Variants in SLCO1C1 observed in about 807,000 individuals in gnomAD.
SLCO1C1 encodes the protein OAT-RP-5.
A neutral mutation model predicts 76.4 loss-of-function variants in SLCO1C1; 70 were observed. The observed-to-expected ratio is 0.92, with a 90% CI of 0.76 to 1.12. The LOEUF (loss-of-function observed/expected upper bound fraction) is 1.12. Ranked by LOEUF, SLCO1C1 falls within the 50% of genes most tolerant of loss-of-function variation. SLCO1C1 has a pLI of 0.00. For synonymous variants in SLCO1C1, 306 were observed against 286.1 expected (o/e 1.07, Z -0.70); for missense variants, 912 against 823.8 (o/e 1.11, Z -1.31).
intron 9 of SLCO1C1, among the ~76,000 whole-genome samples, chr12:20,729,614 C>G (rs1033046314): frequency 6.6e-6 from 1 of 151,790 alleles, no homozygotes; most frequent in Non-Finnish European, 1.5e-5. Context: ...AATATGTCCC[C>G]TGGAAGCCCC....
intron 5 of SLCO1C1, among the ~76,000 whole-genome samples, chr12:20,713,535 A>G (rs1445785833): frequency 1.3e-5 from 2 of 152,192 alleles, no homozygotes; most frequent in Non-Finnish European, 2.9e-5. Flanking sequence ...TCATAACTCA[A>G]TTATTTCCCT....
At chr12:20,697,635 C>G (rs1246789820) in intron 1 of SLCO1C1, 1 of 151,978 alleles carries the variant, frequency 6.6e-6, no homozygotes, top group African/African-American at 2.4e-5. Flanking sequence ...ATTTTATCAA[C>G]TGATGTTTTT....
chr12:20,699,700 C>T lies in SLCO1C1; in HGVS notation c.124C>T (p.Leu42=). Residue 42 remains leucine (L), a synonymous_variant, in exon 2 of 15, where the codon CTA becomes TTA. Transcript: ENST00000266509. The stretch of plus-strand genomic sequence containing the variant: ...AGAAAAGCAACCATGCTGTGGTGAA[C>T]TAAAGGTAGAGCAACCAAGAAGTAA... ...SEEKQPCCGE[L]KVFLCALSFV... 1.2e-6 allele frequency: 2 copies of T among 1,608,052 alleles called. No homozygotes were observed. Among genetic ancestry groups the T allele is most frequent in the South Asian group, 1.1e-5 (1 of 90,126 alleles).
chr12:20,750,289 T>A lies in SLCO1C1; in HGVS notation c.1799-386T>A, dbSNP rs185788738. Among the ~76,000 whole-genome samples, 32 of 152,190 alleles carry A rather than the reference T, an allele frequency of 2.1e-4. No homozygotes were observed. The East Asian group carries it at 6.2e-3, about 29-fold the overall frequency. On this transcript the variant is annotated intron_variant, in intron 13 of 14. Transcript: ENST00000266509. Reference sequence around the variant, plus strand: ...TTTAAGATATACCTAATAGATAGACTCAGTATGATTCCGGGACAGATTAAA... The same window carrying A: ...TTTAAGATATACCTAATAGATAGACACAGTATGATTCCGGGACAGATTAAA...
At chr12:20,730,076 T>C (rs1432946440) in intron 9 of SLCO1C1, among the ~76,000 whole-genome samples, 2 of 152,164 alleles carry the variant, frequency 1.3e-5, no homozygotes, top group Non-Finnish European at 2.9e-5. Context: ...CCTTGTGTTA[T>C]TACTTCTTAC....
At position 20,732,941 on chromosome 12, in the gene SLCO1C1, A is replaced by G. The variant is rs763969145; in HGVS notation, c.1219A>G (p.Ile407Val). The stretch of plus-strand genomic sequence containing the variant: ...CAACATTCCAGCAGTGGCCCTTGGA[A>G]TATTCTCTGGGGGGATAGTTATGAA... Reference protein sequence around the residue: ...LINIPAVALGIFSGGIVMKKF... With the variant: ...LINIPAVALGVFSGGIVMKKF... Residue 407 changes from isoleucine (I) to valine (V), a missense_variant, in exon 10 of 15, where the codon ATA becomes GTA. Coordinates refer to ENST00000266509, the MANE Select transcript of SLCO1C1 (RefSeq NM_017435.5). 6.8e-6 allele frequency: 11 copies of G among 1,613,880 alleles called. No individual in the cohort carries two copies. The highest frequency in any genetic ancestry group is 2.7e-5 in the African/African-American group (2 of 74,904).
intron 11 of SLCO1C1, among the ~76,000 whole-genome samples, chr12:20,738,345 T>C (rs1948643016): frequency 6.6e-6 from 1 of 152,192 alleles, no homozygotes; most frequent in African/African-American, 2.4e-5. Context: ...GACTGCTTTC[T>C]ATTTGTGACT....
intron 9 of SLCO1C1, among the ~76,000 whole-genome samples, chr12:20,732,700 T>C (rs1387091820): frequency 1.3e-5 from 2 of 152,138 alleles, no homozygotes; most frequent in Admixed American, 6.6e-5. Flanking sequence ...AATTTAATAC[T>C]CTCTGCTAGA....
Position 20,733,109 on chromosome 12 carries a change from G to A in SLCO1C1, c.1382+5G>A. 6.5e-7 allele frequency: 1 copy of A among 1,548,954 alleles called. No homozygotes were observed. On this transcript the variant is annotated splice_donor_5th_base_variant and intron_variant, in intron 10 of 14. Coordinates refer to ENST00000266509, the MANE Select transcript of SLCO1C1 (RefSeq NM_017435.5). ...ACTAACTGTCTCCTACCAAGGGTAT[G>A]TTCCCTCATTAAATAGTTTGAGGAT...
chr12:20,702,888 T>C (rs1946588659), intron 3 of SLCO1C1, among the ~76,000 whole-genome samples: 1 of 151,864 alleles, frequency 6.6e-6, no homozygotes, highest in South Asian at 2.1e-4. Flanking sequence ...TGAAGAGGCA[T>C]AGAAATGATT....
At chr12:20,723,469 T>A (rs1034609942) in intron 9 of SLCO1C1, among the ~76,000 whole-genome samples, 2 of 152,170 alleles carry the variant, frequency 1.3e-5, no homozygotes, top group Non-Finnish European at 2.9e-5. Flanking sequence ...ATCATAGAGA[T>A]GAAACATGCA....
At chr12:20,724,482 A>C (rs1296561094) in intron 9 of SLCO1C1, among the ~76,000 whole-genome samples, 1 of 129,174 alleles carries the variant, frequency 7.7e-6, no homozygotes, top group Non-Finnish European at 1.7e-5. Flanking sequence ...TGTGTGTCAC[A>C]TCCAGCATCC....
chr12:20,714,637 G>A (rs879840278), intron 5 of SLCO1C1, among the ~76,000 whole-genome samples: 11 of 152,238 alleles, frequency 7.2e-5, no homozygotes, highest in African/African-American at 2.6e-4. Flanking sequence ...CTGCCCAAAT[G>A]TTGGAATATC....
chr12:20,699,492 A>G, intron 1 of SLCO1C1, 60 bp from the exon 2 acceptor site: 1 of 1,376,094 alleles, frequency 7.3e-7, no homozygotes, highest in East Asian at 2.7e-5. Flanking sequence ...TGTTGAATAA[A>G]AAAATTTAAT....
intron 9 of SLCO1C1, among the ~76,000 whole-genome samples, chr12:20,728,749 T>C (rs1948144021): frequency 6.6e-6 from 1 of 152,074 alleles, no homozygotes; most frequent in Non-Finnish European, 1.5e-5. Flanking sequence ...TAGCTTGCAG[T>C]CTATTGTAAT....
intron 3 of SLCO1C1, among the ~76,000 whole-genome samples, chr12:20,703,403 T>G (rs1204912116): frequency 1.2e-5 from 1 of 83,172 alleles, no homozygotes; most frequent in Non-Finnish European, 2.4e-5. Flanking sequence ...AACTCTTAGA[T>G]TTTTGTTGTT....
intron 7 of SLCO1C1, among the ~76,000 whole-genome samples, chr12:20,717,674 TTTTTTTTTTTTTTTTTTTA>T (rs1947445861): frequency 1.8e-5 from 2 of 113,716 alleles, no homozygotes; most frequent in African/African-American, 7.4e-5. Context: ...TTTTTTTTTT[TTTTTTTTTTTTTTTTTTTA>T]CTCTGCAAGT....
rs1373777769 is a variant in SLCO1C1, at chr12:20,715,225, C to T, written c.616C>T (p.Pro206Ser). The change falls in exon 6 of 15, where the codon CCT becomes TCT. Residue 206 changes from proline (P) to serine (S), a missense_variant. Coordinates refer to ENST00000266509, the MANE Select transcript of SLCO1C1 (RefSeq NM_017435.5). ...LRGIGETPIQ[P>S]LGIAYLDDFA... ...TGGAATAGGAGAAACTCCCATTCAGCCTTTGGGCATTGCCTACCTGGATGA... is the reference window on the plus strand; with the variant it reads ...TGGAATAGGAGAAACTCCCATTCAGTCTTTGGGCATTGCCTACCTGGATGA... 6.2e-7 allele frequency: 1 copy of T among 1,614,016 alleles called. No individual in the cohort carries two copies.
Position 20,695,568 on chromosome 12 carries a change from A to G in SLCO1C1, c.-265A>G, listed in dbSNP as rs936004469. On this transcript the variant is annotated 5_prime_UTR_variant, in exon 1 of 15. Coordinates refer to ENST00000266509, the MANE Select transcript of SLCO1C1 (RefSeq NM_017435.5). ...GCCAATTCTCTGCTGACTGCCAGAA[A>G]AAAGAGGCCAGGAAGAAAGAGGAAA... 6.6e-6 allele frequency: 1 copy of G among 152,190 alleles called. No homozygotes were observed. The highest frequency in any genetic ancestry group is 1.5e-5 in the Non-Finnish European group (1 of 68,062). The allele number at this position is 152,190 out of a possible 1,614,324, so 9.4% of individuals were successfully genotyped here.
Sources: allele counts gnomAD v4.1 joint callset (sites outside exome capture counted in the v4.1 genomes callset), GRCh38; gene constraint gnomAD v4.1.1; transcripts MANE v1.5; gene names NCBI Gene and HGNC (gene_info 2026-07-23, HGNC 2026-07-21).